Variants in KHDRBS2 observed in about 807,000 individuals in gnomAD.
KHDRBS2 encodes the protein KH RNA binding domain containing, signal transduction associated 2, also known as KH domain-containing, RNA-binding, signal transduction-associated protein 2.
Under a neutral mutation model 44.3 loss-of-function variants are expected in KHDRBS2, and 26 were observed. That is an observed-to-expected ratio of 0.59 (90% CI 0.43 to 0.81). KHDRBS2 has a LOEUF of 0.81. Among genes scored for constraint, KHDRBS2 ranks in the 40% least tolerant of loss-of-function variants. The pLI is 0.00. For missense variants in KHDRBS2, 476 were observed against 433.1 expected (o/e 1.10, Z -0.88); for synonymous variants, 194 against 151.1 (o/e 1.28, Z -2.08).
At position 62,171,010 on chromosome 6, in the gene KHDRBS2, C is replaced by T. The variant is rs1188149904; in HGVS notation, c.219+6175G>A. On this transcript the variant is annotated intron_variant, in intron 2 of 8. Transcript: ENST00000281156. Reference sequence around the variant, plus strand: ...ACTTCAAATATTAAAGGACCATTTACCCACACAGAGAGAAAGAACCAGTGT... The same window carrying T: ...ACTTCAAATATTAAAGGACCATTTATCCACACAGAGAGAAAGAACCAGTGT... 2.7e-5 allele frequency among the ~76,000 whole-genome samples: 4 copies of T among 149,336 alleles called. No homozygotes were observed. The East Asian group carries it at 7.8e-4, about 29-fold the overall frequency.
chr6:61,585,093 C>T, the KHDRBS2 span, among the ~76,000 whole-genome samples: 1 of 151,792 alleles, frequency 6.6e-6, no homozygotes, highest in South Asian at 2.1e-4. Context: ...TCGAAAAGAG[C>T]TGCAGCAAAA....
At chr6:61,679,125 A>AG (rs1268585152), downstream of KHDRBS2, among the ~76,000 whole-genome samples, 2 of 151,954 alleles carry the variant, frequency 1.3e-5, no homozygotes, top group Non-Finnish European at 2.9e-5. Context: ...GCAGCAAAAA[A>AG]GTAAACCAAT....
At chr6:61,578,934 C>T in the KHDRBS2 span, among the ~76,000 whole-genome samples, 3 of 152,128 alleles carry the variant, frequency 2.0e-5, no homozygotes, top group Non-Finnish European at 2.9e-5. Context: ...GTAATTTCCT[C>T]TCTTGGCCCA....
intron 6 of KHDRBS2, among the ~76,000 whole-genome samples, chr6:61,822,027 T>C (rs1360845039): frequency 2.0e-5 from 3 of 152,022 alleles, no homozygotes; most frequent in Non-Finnish European, 4.4e-5. Context: ...TTCCATTTTC[T>C]CTTTTCTTAA....
chr6:62,115,939 C>A (rs1806115665), intron 2 of KHDRBS2, among the ~76,000 whole-genome samples: 1 of 151,896 alleles, frequency 6.6e-6, no homozygotes, highest in Non-Finnish European at 1.5e-5. Context: ...AAAATAAATA[C>A]AAAATACATT....
At chr6:62,080,807 A>G (rs528780863) in intron 2 of KHDRBS2, among the ~76,000 whole-genome samples, 10 of 152,142 alleles carry the variant, frequency 6.6e-5, no homozygotes, top group Admixed American at 2.0e-4. Flanking sequence ...GGAGAGTAGG[A>G]TAGAGTAACT....
intron 2 of KHDRBS2, among the ~76,000 whole-genome samples, chr6:62,065,882 A>G (rs1180911985): frequency 2.0e-5 from 3 of 151,856 alleles, no homozygotes; most frequent in Non-Finnish European, 1.5e-5. Context: ...GTCAACACAT[A>G]CACAATTCAT....
intron 8 of KHDRBS2, among the ~76,000 whole-genome samples, chr6:61,686,555 C>A (rs1766831757): frequency 6.6e-6 from 1 of 151,738 alleles, no homozygotes; most frequent in Non-Finnish European, 1.5e-5. Context: ...AATGTTTAAA[C>A]ACCTATCATA....
At chr6:62,055,088 C>A (rs1789963851) in intron 2 of KHDRBS2, among the ~76,000 whole-genome samples, 1 of 151,756 alleles carries the variant, frequency 6.6e-6, no homozygotes, top group Non-Finnish European at 1.5e-5. Context: ...GATGAAAATA[C>A]AATAACTGTA....
At chr6:61,616,773 G>T in the KHDRBS2 span, among the ~76,000 whole-genome samples, 7 of 152,082 alleles carry the variant, frequency 4.6e-5, no homozygotes, top group African/African-American at 1.7e-4. Flanking sequence ...CCATTTAGCT[G>T]GTTAATACAA....
intron 7 of KHDRBS2, among the ~76,000 whole-genome samples, chr6:61,698,054 A>G (rs1317677179): frequency 6.6e-6 from 1 of 152,174 alleles, no homozygotes; most frequent in Non-Finnish European, 1.5e-5. Context: ...ATTTGAAGAC[A>G]ATCAGGCTGT....
At chr6:61,777,172 A>T (rs1215723871) in intron 6 of KHDRBS2, among the ~76,000 whole-genome samples, 1 of 152,104 alleles carries the variant, frequency 6.6e-6, no homozygotes, top group Non-Finnish European at 1.5e-5. Flanking sequence ...TAGCATTAGG[A>T]GATACACCTA....
chr6:61,848,558 T>TATAC (rs1794934578), intron 6 of KHDRBS2, among the ~76,000 whole-genome samples: 1 of 37,314 alleles, frequency 2.7e-5, no homozygotes, highest in African/African-American at 1.2e-4. Flanking sequence ...TATACATATA[T>TATAC]ATATGTATAT....
chr6:62,220,649 T>C lies in KHDRBS2; in HGVS notation c.92-43337A>G, dbSNP rs181244544. 1.1e-4 allele frequency among the ~76,000 whole-genome samples: 16 copies of C among 151,858 alleles called. No individual in the cohort carries two copies. The Middle Eastern group carries it at 0.011, about 100-fold the overall frequency. On this transcript the variant is annotated intron_variant, in intron 1 of 8. Coordinates refer to ENST00000281156, the MANE Select transcript of KHDRBS2 (RefSeq NM_152688.4). ...ACTATTATCATTCAACATTAGAAAT[T>C]ACATATTGTAATTTCTAGGGCAATG...
At position 61,733,321 on chromosome 6, in the gene KHDRBS2, C is replaced by T. The variant is rs186286009; in HGVS notation, c.811-557G>A. Among the ~76,000 whole-genome samples the T allele has an allele frequency of 1.7e-3, 262 of 152,174 alleles. 2 individuals are homozygous for T. Among genetic ancestry groups the T allele is most frequent in the African/African-American group, 6.1e-3 (252 of 41,540 alleles). ...ATAAAGACTTCGTGGCCGGGCCTGG[C>T]GGCTCATGCCTGTAATCCCAGCACT... On this transcript the variant is annotated intron_variant, in intron 6 of 8. Coordinates refer to ENST00000281156, the MANE Select transcript of KHDRBS2 (RefSeq NM_152688.4).
chr6:62,096,389 A>C (rs2127368660), intron 2 of KHDRBS2, among the ~76,000 whole-genome samples: 1 of 151,878 alleles, frequency 6.6e-6, no homozygotes, highest in Non-Finnish European at 1.5e-5. Flanking sequence ...TTTATTTCTT[A>C]TTAATTTTCA....
In KHDRBS2 at chr6:62,272,377, C is replaced by T. The variant is rs114723376; in HGVS notation, c.91+13481G>A. Among the ~76,000 whole-genome samples, 459 of 152,250 alleles carry T rather than the reference C, an allele frequency of 3.0e-3. 2 individuals carry two copies. The highest frequency in any genetic ancestry group is 0.011 in the African/African-American group (437 of 41,550). ...CACAAGCACATCCTTTTTCTTAGGT[C>T]CAACACAGTCATGATTTCCTCCAAT... On this transcript the variant is annotated intron_variant, in intron 1 of 8. Transcript: ENST00000281156.
intron 4 of KHDRBS2, among the ~76,000 whole-genome samples, chr6:61,967,945 T>TATAC (rs1554298181): frequency 4.1e-4 from 47 of 114,662 alleles, no homozygotes; most frequent in South Asian, 1.1e-3. Context: ...TATATATATA[T>TATAC]ATATATATAT....
intron 6 of KHDRBS2, among the ~76,000 whole-genome samples, chr6:61,767,471 A>G (rs1368673382): frequency 1.3e-5 from 2 of 152,042 alleles, no homozygotes; most frequent in Non-Finnish European, 2.9e-5. Context: ...ATTATTATTG[A>G]TAAGTAAGGA....
Sources: allele counts gnomAD v4.1 joint callset (sites outside exome capture counted in the v4.1 genomes callset), GRCh38; gene constraint gnomAD v4.1.1; transcripts MANE v1.5; gene names NCBI Gene and HGNC (gene_info 2026-07-23, HGNC 2026-07-21).